The following TRPC4 variants were observed in gnomAD, a reference collection of about 807,000 sequenced individuals.
The protein encoded by TRPC4 is transient receptor potential cation channel subfamily C member 4.
In TRPC4, 49 loss-of-function variants were observed where a neutral mutation model predicts 99.4. That is an observed-to-expected ratio of 0.49 (90% CI 0.39 to 0.63). TRPC4 has a LOEUF of 0.63. Among genes scored for constraint, TRPC4 ranks in the 20% least tolerant of loss-of-function variants. TRPC4 has a pLI of 0.00. For synonymous variants in TRPC4, 454 were observed against 425.9 expected, an observed-to-expected ratio of 1.07 and a Z score of -0.81; for missense variants, 898 against 1,152.9, an observed-to-expected ratio of 0.78 and a Z score of 3.20.
Position 37,834,980 on chromosome 13 carries a change from C to G in TRPC4, c.-28+34615G>C, listed in dbSNP as rs138838415. The stretch of plus-strand genomic sequence containing the variant: ...GAACTCCTGGCCTCAAGTGATCTGC[C>G]TGTATTGGCCTCCCAAAGTGCTGGG... On this transcript the variant is annotated intron_variant, in intron 1 of 10. Transcript: ENST00000379705. 8.9e-3 allele frequency among the ~76,000 whole-genome samples: 1,356 copies of G among 152,138 alleles called. 35 individuals are homozygous for G. In the East Asian group the frequency reaches 0.1, roughly 11 times the overall value.
intron 1 of TRPC4, among the ~76,000 whole-genome samples, chr13:37,788,771 A>G (rs954295418): frequency 6.6e-6 from 1 of 152,092 alleles, no homozygotes; most frequent in Non-Finnish European, 1.5e-5. Flanking sequence ...GTTTTAAAAT[A>G]TCCTATAAAA....
chr13:37,800,389 A>T (rs1957370378), intron 1 of TRPC4, among the ~76,000 whole-genome samples: 1 of 152,176 alleles, frequency 6.6e-6, no homozygotes, highest in Admixed American at 6.6e-5. Context: ...TTGTTAATGC[A>T]AGAAATATCT....
chr13:37,852,237 G>C (rs535599839), intron 1 of TRPC4, among the ~76,000 whole-genome samples: 2 of 152,050 alleles, frequency 1.3e-5, no homozygotes, highest in Non-Finnish European at 1.5e-5. Flanking sequence ...TTCTGCTTAG[G>C]GGGTGGAGAG....
At chr13:37,818,066 T>G (rs575220898) in intron 1 of TRPC4, among the ~76,000 whole-genome samples, 1 of 151,808 alleles carries the variant, frequency 6.6e-6, no homozygotes, top group Admixed American at 6.6e-5. Context: ...CGCTTTTGCA[T>G]AGCAAAGAAA....
chr13:37,676,712 G>T (rs997523879), intron 4 of TRPC4, among the ~76,000 whole-genome samples: 7 of 151,960 alleles, frequency 4.6e-5, no homozygotes, highest in Admixed American at 3.9e-4. Context: ...AAGAATAAGA[G>T]TTAACCCAGG....
In TRPC4 at chr13:37,844,037, AT is replaced by A. The variant is rs1418548102; in HGVS notation, c.-28+25557del. Among the ~76,000 whole-genome samples the A allele has an allele frequency of 4.6e-5, 7 of 152,340 alleles. No homozygotes were observed. The East Asian group carries it at 1.4e-3, about 29-fold the overall frequency. On this transcript the variant is annotated intron_variant, in intron 1 of 10. Transcript: ENST00000379705. The stretch of plus-strand genomic sequence containing the variant: ...TAGGAAAAATAAGTTGGAAGCAAAC[AT>A]TAAGTTTCCCTACAATTTTGGAACC...
intron 3 of TRPC4, among the ~76,000 whole-genome samples, chr13:37,728,077 T>C (rs1309137769): frequency 2.0e-5 from 3 of 151,964 alleles, no homozygotes; most frequent in Admixed American, 2.0e-4. Context: ...AAATCAACAA[T>C]GGACATCATA....
intron 1 of TRPC4, among the ~76,000 whole-genome samples, chr13:37,839,301 T>C (rs1028829315): frequency 2.7e-4 from 41 of 152,092 alleles, no homozygotes; most frequent in African/African-American, 9.7e-4. Flanking sequence ...AGGACTATAG[T>C]AAAGGTGATG....
At chr13:37,724,991 G>C (rs7325945) in intron 3 of TRPC4, among the ~76,000 whole-genome samples, 6,572 of 152,024 alleles carry the variant, frequency 0.043, 487 homozygotes, top group African/African-American at 0.15. Flanking sequence ...CTGTCTTGAA[G>C]GTGCTTAAAG....
Position 37,745,962 on chromosome 13 carries a change from A to G in TRPC4, c.872T>C (p.Leu291Ser). 6.2e-7 allele frequency: 1 copy of G among 1,613,234 alleles called. No individual in the cohort carries two copies. The highest frequency in any genetic ancestry group is 8.5e-7 in the Non-Finnish European group (1 of 1,179,392). ...QSGNDLARLK[L>S]AIKYRQKEFV... ...CTCTTTTTGACGGTACTTAATGGCC[A>G]ATTTTAGTCTTGCAAGATCATTTCC... Residue 291 changes from leucine to serine, a missense_variant, in exon 3 of 11, where the codon TTG becomes TCG. Around this residue, in one of 3 missense-constraint regions of TRPC4, gnomAD observed 278 missense variants for 346.6 expected, o/e 0.80. Coordinates refer to ENST00000379705, the MANE Select transcript of TRPC4 (RefSeq NM_016179.4).
chr13:37,678,883 G>A (rs1953144800), intron 4 of TRPC4, among the ~76,000 whole-genome samples: 1 of 151,934 alleles, frequency 6.6e-6, no homozygotes, highest in Non-Finnish European at 1.5e-5. Flanking sequence ...AATAAATCAT[G>A]GCCAAGTAAT....
chr13:37,792,721 ATTTGTGTG>A (rs1380600291), intron 1 of TRPC4, among the ~76,000 whole-genome samples: 1 of 71,272 alleles, frequency 1.4e-5, no homozygotes, highest in Admixed American at 1.9e-4. Context: ...TGGCTTCTAA[ATTTGTGTG>A]TGTGTGTGTG....
rs757099137 is a variant in TRPC4, at chr13:37,637,060, C to A, written c.2777G>T (p.Arg926Ile). The A allele has an allele frequency of 6.2e-7, 1 of 1,613,826 alleles. No homozygotes were observed. The highest frequency in any genetic ancestry group is 8.5e-7 in the Non-Finnish European group (1 of 1,179,814). ...TDTLGLQVGK[R>I]VCPFKSEKVV... is the part of the protein sequence containing the mutation. ...CTTCTCTGACTTGAATGGACACACT[C>A]TCTTTCCTACCTGTAACCCCAGTGT... The change falls in exon 11 of 11, where the codon AGA (arginine) becomes ATA (isoleucine). Residue 926 changes from arginine (R) to isoleucine (I), a missense_variant. Arg to Ile is a moderately conservative substitution (Grantham distance 97). Around this residue, in one of 3 missense-constraint regions of TRPC4, gnomAD observed 346 missense variants for 351.4 expected, o/e 0.98. Transcript: ENST00000379705.
At chr13:37,851,579 G>C (rs1397771197) in intron 1 of TRPC4, among the ~76,000 whole-genome samples, 1 of 152,142 alleles carries the variant, frequency 6.6e-6, no homozygotes, top group Admixed American at 6.5e-5. Context: ...TAAGAGGGTG[G>C]AGTAAGGTGA....
At chr13:37,863,199 G>A (rs1379304540) in intron 1 of TRPC4, among the ~76,000 whole-genome samples, 1 of 151,466 alleles carries the variant, frequency 6.6e-6, no homozygotes, top group Non-Finnish European at 1.5e-5. Flanking sequence ...ATGACTGCAT[G>A]ATCATATAGA....
At chr13:37,644,686 C>T (rs1951816106) in intron 8 of TRPC4, among the ~76,000 whole-genome samples, 1 of 151,686 alleles carries the variant, frequency 6.6e-6, no homozygotes, top group South Asian at 2.1e-4. Flanking sequence ...CTGGCTAACA[C>T]GGTGAAACTC....
chr13:37,638,213 C>A (rs555951395), intron 10 of TRPC4, among the ~76,000 whole-genome samples: 24 of 51,962 alleles, frequency 4.6e-4, no homozygotes, highest in Non-Finnish European at 3.6e-5. Context: ...CTCACTCTTA[C>A]CCTGATGGCA....
chr13:37,728,999 C>T (rs1471051368), intron 3 of TRPC4, among the ~76,000 whole-genome samples: 1 of 151,938 alleles, frequency 6.6e-6, no homozygotes, highest in South Asian at 2.1e-4. Flanking sequence ...GAAGTTGGAC[C>T]CTTGCCATAC....
chr13:37,720,744 T>C (rs763225492), intron 3 of TRPC4, among the ~76,000 whole-genome samples: 75 of 152,320 alleles, frequency 4.9e-4, no homozygotes, highest in Non-Finnish European at 9.6e-4. Flanking sequence ...TGAACACCTA[T>C]TTCCTATTTT....
Sources: allele counts gnomAD v4.1 joint callset (sites outside exome capture counted in the v4.1 genomes callset), GRCh38; gene constraint gnomAD v4.1.1; regional missense constraint gnomAD v4.1.1; transcripts MANE v1.5; gene names NCBI Gene and HGNC (gene_info 2026-07-23, HGNC 2026-07-21).